Variants in SLC41A2 observed in about 807,000 individuals in gnomAD.
The protein encoded by SLC41A2 is solute carrier family 41 member 2, also known as SLC41A1-like 1.
Under a neutral mutation model 58.3 loss-of-function variants are expected in SLC41A2, and 32 were observed. The ratio of observed to expected loss-of-function variants is 0.55; its 90% CI spans 0.41 to 0.74. SLC41A2 has a LOEUF of 0.74. Among genes scored for constraint, SLC41A2 ranks in the 30% least tolerant of loss-of-function variants. The probability of loss-of-function intolerance (pLI) is 0.00; values close to 1 mark genes in which losing one functional copy is unlikely to be tolerated. For synonymous variants in SLC41A2, 190 were observed against 235.0 expected (o/e 0.81, Z 1.75); for missense variants, 514 against 680.6 (o/e 0.76, Z 2.72).
chr12:104,908,005 C>T (rs1565892659), intron 3 of SLC41A2, among the ~76,000 whole-genome samples: 1 of 152,200 alleles, frequency 6.6e-6, no homozygotes, highest in Non-Finnish European at 1.5e-5. Flanking sequence ...TGGCTCACGC[C>T]TGTAATCCCA....
intron 10 of SLC41A2, among the ~76,000 whole-genome samples, chr12:104,822,033 C>G (rs936463676): frequency 6.6e-6 from 1 of 151,966 alleles, no homozygotes; most frequent in Non-Finnish European, 1.5e-5. Flanking sequence ...ATGCAAAGAA[C>G]TAGAGACAGC....
chr12:104,834,152 A>G (rs1673433228), intron 10 of SLC41A2: 1 of 985,280 alleles, frequency 1.0e-6, no homozygotes, highest in South Asian at 4.7e-5. Context: ...TCTTCTGTGC[A>G]TCACTGGCCT....
At chr12:104,847,450 C>T (rs1025321241) in intron 8 of SLC41A2, among the ~76,000 whole-genome samples, 11 of 151,500 alleles carry the variant, frequency 7.3e-5, no homozygotes, top group African/African-American at 1.9e-4. Flanking sequence ...AAAAAAAATA[C>T]AAAAACTAGC....
chr12:104,855,193 GTTTA>G (rs2042975842), intron 8 of SLC41A2, among the ~76,000 whole-genome samples: 1 of 152,184 alleles, frequency 6.6e-6, no homozygotes. Flanking sequence ...CTTCTAAGAT[GTTTA>G]TTGTTTTATA....
intron 1 of SLC41A2, among the ~76,000 whole-genome samples, chr12:104,944,820 T>C (rs1334203191): frequency 2.6e-5 from 4 of 151,674 alleles, no homozygotes; most frequent in African/African-American, 4.9e-5. Flanking sequence ...TGGCATAGAG[T>C]TCTCTTCTAT....
chr12:104,809,732 T>C (rs1313730867), intron 10 of SLC41A2, among the ~76,000 whole-genome samples: 1 of 152,104 alleles, frequency 6.6e-6, no homozygotes, highest in Non-Finnish European at 1.5e-5. Context: ...TGGGGCCTAA[T>C]ATCTGCCAAA....
intron 8 of SLC41A2, among the ~76,000 whole-genome samples, chr12:104,859,835 C>T (rs748559855): frequency 2.6e-5 from 4 of 151,922 alleles, no homozygotes; most frequent in Non-Finnish European, 4.4e-5. Context: ...CTCCCAGGCT[C>T]AGAAGGTCCT....
intron 8 of SLC41A2, among the ~76,000 whole-genome samples, chr12:104,848,727 G>A (rs1030585027): frequency 6.6e-6 from 1 of 152,044 alleles, no homozygotes; most frequent in African/African-American, 2.4e-5. Flanking sequence ...ATGCAAGACT[G>A]ATTTAATAGT....
At chr12:104,897,149 T>TTC (rs1555210667) in intron 3 of SLC41A2, among the ~76,000 whole-genome samples, 4 of 139,038 alleles carry the variant, frequency 2.9e-5, no homozygotes, top group African/African-American at 8.2e-5. Flanking sequence ...TTTTTCTTTT[T>TTC]TTTTTTTTTT....
At chr12:104,942,166 A>G (rs2047535887) in intron 1 of SLC41A2, among the ~76,000 whole-genome samples, 1 of 152,070 alleles carries the variant, frequency 6.6e-6, no homozygotes, top group South Asian at 2.1e-4. Context: ...ACCACCAAAC[A>G]CTTAATGACT....
At chr12:104,843,189 A>C (rs1029120136) in intron 10 of SLC41A2, among the ~76,000 whole-genome samples, 2 of 151,992 alleles carry the variant, frequency 1.3e-5, no homozygotes, top group African/African-American at 4.8e-5. Flanking sequence ...CTTACATTAT[A>C]GTACATTATA....
chr12:104,870,437 C>CA (rs920555250), intron 6 of SLC41A2, among the ~76,000 whole-genome samples: 39 of 152,174 alleles, frequency 2.6e-4, no homozygotes, highest in African/African-American at 8.4e-4. Flanking sequence ...CAAAAAAACC[C>CA]AAAAAACATT....
Position 104,928,222 on chromosome 12 carries a change from T to C in SLC41A2, c.306A>G (p.Ser102=). 1 of 1,614,214 alleles carries C rather than the reference T, an allele frequency of 6.2e-7. No individual in the cohort carries two copies. Among genetic ancestry groups the C allele is most frequent in the African/African-American group, 1.3e-5 (1 of 75,068 alleles). The change falls in exon 2 of 11, where the codon TCA becomes TCG. Residue 102 remains serine (S), a synonymous_variant. Coordinates refer to ENST00000258538, the MANE Select transcript of SLC41A2 (RefSeq NM_001352171.3). ...CATCATACTTTTGGCTGCAGCTTGA[T>C]GATGCGTGCCCATTATTGGCATGAA... The part of the protein sequence containing the change: ...QSFHANNGHA[S]SSCSQKYDDY...
At chr12:104,842,836 G>C (rs1156962783) in intron 10 of SLC41A2, among the ~76,000 whole-genome samples, 5 of 151,982 alleles carry the variant, frequency 3.3e-5, no homozygotes, top group African/African-American at 4.8e-5. Context: ...ATAGTATAAT[G>C]GCACAGAACC....
At chr12:104,926,615 C>G (rs971814871) in intron 2 of SLC41A2, among the ~76,000 whole-genome samples, 3 of 150,924 alleles carry the variant, frequency 2.0e-5, no homozygotes, top group Admixed American at 6.6e-5. Context: ...AAAGAGAATA[C>G]CTACAAATCA....
intron 1 of SLC41A2, among the ~76,000 whole-genome samples, chr12:104,931,992 A>G (rs1175718497): frequency 6.6e-6 from 1 of 152,196 alleles, no homozygotes; most frequent in African/African-American, 2.4e-5. Context: ...GTGTTTTTAA[A>G]TAATATAGTT....
At position 104,805,352 on chromosome 12, in the gene SLC41A2, C is replaced by A; in HGVS notation, c.1537-15G>T. On this transcript the variant is annotated splice_polypyrimidine_tract_variant and intron_variant, in intron 10 of 10. Coordinates refer to ENST00000258538, the MANE Select transcript of SLC41A2 (RefSeq NM_001352171.3). Reference sequence around the variant, plus strand: ...AAGGTAAATACCTAGAAGAGAACAACAGAGATTACTCCGGCTGCCTGGACA... The same window carrying A: ...AAGGTAAATACCTAGAAGAGAACAAAAGAGATTACTCCGGCTGCCTGGACA... 1 of 1,606,154 alleles carries A rather than the reference C, an allele frequency of 6.2e-7. No individual in the cohort carries two copies. Among genetic ancestry groups the A allele is most frequent in the South Asian group, 1.1e-5 (1 of 89,600 alleles).
At chr12:104,906,558 C>T (rs2045860217) in intron 3 of SLC41A2, among the ~76,000 whole-genome samples, 1 of 152,158 alleles carries the variant, frequency 6.6e-6, no homozygotes, top group African/African-American at 2.4e-5. Flanking sequence ...TAAATCTGAT[C>T]TTGGACTTCC....
intron 10 of SLC41A2, among the ~76,000 whole-genome samples, chr12:104,812,194 G>A (rs1206123916): frequency 6.6e-6 from 1 of 152,172 alleles, no homozygotes; most frequent in Non-Finnish European, 1.5e-5. Context: ...CAGTCCCCAT[G>A]TCCTTTAATA....
Sources: allele counts gnomAD v4.1 joint callset (sites outside exome capture counted in the v4.1 genomes callset), GRCh38; gene constraint gnomAD v4.1.1; transcripts MANE v1.5; gene names NCBI Gene and HGNC (gene_info 2026-07-23, HGNC 2026-07-21).